Variants in MYO5C observed in about 807,000 individuals in gnomAD.
MYO5C encodes the protein unconventional myosin-Vc.
Under a neutral mutation model 235.7 loss-of-function variants are expected in MYO5C, and 194 were observed. That is an observed-to-expected ratio of 0.82 (90% CI 0.73 to 0.93). The LOEUF (loss-of-function observed/expected upper bound fraction) is 0.93, where lower values mean the gene tolerates loss of function less well. Ranked by LOEUF, MYO5C falls within the 40% of genes least tolerant of loss-of-function variation. MYO5C has a pLI of 0.00. For synonymous variants in MYO5C, 707 were observed against 754.8 expected (o/e 0.94, Z 1.04); for missense variants, 2,038 against 2,127.2 (o/e 0.96, Z 0.82).
At chr15:52,278,312 A>G (rs2037093531) in intron 4 of MYO5C, among the ~76,000 whole-genome samples, 1 of 152,102 alleles carries the variant, frequency 6.6e-6, no homozygotes. Flanking sequence ...CTGCCCAGAC[A>G]TTTGCATCGT....
intron 32 of MYO5C, 72 bp downstream of exon 32, chr15:52,218,447 G>A (rs2035602006): frequency 1.4e-6 from 2 of 1,407,036 alleles, no homozygotes; most frequent in Admixed American, 3.6e-5. Context: ...ATATGCTTTA[G>A]GTGGCATGTC....
intron 32 of MYO5C, among the ~76,000 whole-genome samples, chr15:52,216,887 T>G (rs956394155): frequency 9.2e-5 from 14 of 152,156 alleles, no homozygotes; most frequent in Admixed American, 2.0e-4. Flanking sequence ...GAAGGCCAGG[T>G]GCAGAGAGGC....
At chr15:52,275,926 C>T (rs1345424915) in intron 4 of MYO5C, among the ~76,000 whole-genome samples, 2 of 152,074 alleles carry the variant, frequency 1.3e-5, no homozygotes, top group Non-Finnish European at 1.5e-5. Flanking sequence ...TTCATCCAAC[C>T]TTATTCAAAT....
Position 52,195,377 on chromosome 15 carries a change from C to G in MYO5C, c.5076G>C (p.Gln1692His). The part of the protein sequence containing the change: ...RVTPSFVRKV[Q>H]ALLNSREDSS... ...AAAGGCACATCCTTAAGAATCTCACCTGTACTTTGCGAACAAAGGATGGAG... is the reference window on the plus strand; with the variant it reads ...AAAGGCACATCCTTAAGAATCTCACGTGTACTTTGCGAACAAAGGATGGAG... The change falls in exon 40 of 41, where the codon CAG becomes CAC. Residue 1692 changes from glutamine to histidine, a missense_variant and splice_region_variant. Coordinates refer to ENST00000261839, the MANE Select transcript of MYO5C (RefSeq NM_018728.4). The G allele has an allele frequency of 6.2e-7, 1 of 1,606,138 alleles. No homozygotes were observed. Among genetic ancestry groups the G allele is most frequent in the Non-Finnish European group, 8.5e-7 (1 of 1,173,548 alleles).
At chr15:52,276,193 A>C (rs1228385247) in intron 4 of MYO5C, among the ~76,000 whole-genome samples, 2 of 152,152 alleles carry the variant, frequency 1.3e-5, no homozygotes, top group Admixed American at 1.3e-4. Flanking sequence ...GACCAACCTC[A>C]GGTTCAATGA....
intron 23 of MYO5C, 103 bp from the exon 24 acceptor site, chr15:52,232,788 G>A: frequency 9.9e-7 from 1 of 1,010,094 alleles, no homozygotes; most frequent in Non-Finnish European, 1.6e-6. Context: ...ATCATGTGAT[G>A]TTTATTATTA....
intron 34 of MYO5C, among the ~76,000 whole-genome samples, chr15:52,212,404 A>G (rs1330776323): frequency 2.0e-5 from 3 of 152,182 alleles, no homozygotes; most frequent in African/African-American, 7.2e-5. Flanking sequence ...ATAAGCAAAC[A>G]AGGATGTCCC....
intron 1 of MYO5C, among the ~76,000 whole-genome samples, chr15:52,289,741 C>A (rs2037349374): frequency 6.6e-6 from 1 of 152,174 alleles, no homozygotes; most frequent in South Asian, 2.1e-4. Context: ...GTGGGTGGGG[C>A]CCGGCAAGAG....
intron 24 of MYO5C, among the ~76,000 whole-genome samples, chr15:52,231,706 C>A (rs1238673693): frequency 1.3e-5 from 2 of 152,166 alleles, no homozygotes; most frequent in African/African-American, 4.8e-5. Context: ...CCACCACAGG[C>A]AGCCCTGAGC....
intron 18 of MYO5C, among the ~76,000 whole-genome samples, chr15:52,244,894 G>A (rs530509431): frequency 3.9e-5 from 6 of 152,204 alleles, no homozygotes; most frequent in Non-Finnish European, 8.8e-5. Flanking sequence ...AGAAACTGGG[G>A]AAGTTTGGTT....
chr15:52,264,323 G>T, intron 8 of MYO5C, 27 bp from the exon 9 acceptor site: 1 of 1,540,554 alleles, frequency 6.5e-7, no homozygotes. Flanking sequence ...TCCCAGATTA[G>T]AATACTGCAT....
chr15:52,196,227 G>T, intron 39 of MYO5C, 82 bp downstream of exon 39: 1 of 1,401,294 alleles, frequency 7.1e-7, no homozygotes, highest in Non-Finnish European at 9.5e-7. Context: ...GGTGCCCACA[G>T]CTGGCTAAAC....
rs1197629387 is a variant in MYO5C, at chr15:52,242,198, T to A, written c.2406A>T (p.Ala802=). 2 of 1,612,738 alleles carry A rather than the reference T, an allele frequency of 1.2e-6. No homozygotes were observed. The highest frequency in any genetic ancestry group is 2.2e-5 in the East Asian group (1 of 44,888). The stretch of plus-strand genomic sequence containing the variant: ...CTGCCCAAGCTTCTTTTAAGGCCAC[T>A]GCAGTAATAGCTTTCCTTGGTTAAC... ...GQQTVRKAIT[A]VALKEAWAAI... The change falls in exon 20 of 41, where the codon GCA becomes GCT. Residue 802 remains alanine (A), a synonymous_variant. Transcript: ENST00000261839.
Position 52,282,179 on chromosome 15 carries a change from C to T in MYO5C, c.138+603G>A, listed in dbSNP as rs192054587. ...TCACCTCCCCCTCACCACACCAGCA[C>T]CAACAGAGGCACCTCATAATGTCAC... On this transcript the variant is annotated intron_variant, in intron 2 of 40. Coordinates refer to ENST00000261839, the MANE Select transcript of MYO5C (RefSeq NM_018728.4). Among the ~76,000 whole-genome samples, 183 of 152,326 alleles carry T rather than the reference C, an allele frequency of 1.2e-3. 1 individual carries two copies. The highest frequency in any genetic ancestry group is 2.0e-3 in the Non-Finnish European group (139 of 68,036).
In MYO5C at chr15:52,239,724, A is replaced by G. The variant is rs946664698; in HGVS notation, c.2703+9T>C. On this transcript the variant is annotated intron_variant, in intron 21 of 40. Coordinates refer to ENST00000261839, the MANE Select transcript of MYO5C (RefSeq NM_018728.4). ...AAGTAAATGTAAAAGATGCACTATGAGCACCTACCTGATCTTCCAACTTTT... is the reference window on the plus strand; with the variant it reads ...AAGTAAATGTAAAAGATGCACTATGGGCACCTACCTGATCTTCCAACTTTT... 1 of 1,586,726 alleles carries G rather than the reference A, an allele frequency of 6.3e-7. No individual in the cohort carries two copies. The highest frequency in any genetic ancestry group is 1.4e-5 in the African/African-American group (1 of 74,050).
At chr15:52,222,470 G>A (rs115277749) in intron 29 of MYO5C, among the ~76,000 whole-genome samples, 208 of 152,288 alleles carry the variant, frequency 1.4e-3, no homozygotes, top group African/African-American at 4.9e-3. Flanking sequence ...TGGGAGAGCG[G>A]GGCGTCCTGG....
At chr15:52,291,744 T>TTTGTTTTG (rs1566998094) in intron 1 of MYO5C, among the ~76,000 whole-genome samples, 8 of 96,730 alleles carry the variant, frequency 8.3e-5, no homozygotes, top group Admixed American at 4.2e-4. Context: ...TTTTTTTTTT[T>TTTGTTTTG]TTTTTTTTTT....
At chr15:52,278,432 C>T (rs2037095767) in intron 4 of MYO5C, among the ~76,000 whole-genome samples, 1 of 152,048 alleles carries the variant, frequency 6.6e-6, no homozygotes, top group African/African-American at 2.4e-5. Flanking sequence ...TCCACAGGGC[C>T]CTACAAACAC....
Position 52,244,366 on chromosome 15 carries a change from G to C in MYO5C, c.2380C>G (p.Gln794Glu). 6.2e-7 allele frequency: 1 copy of C among 1,612,786 alleles called. No homozygotes were observed. The highest frequency in any genetic ancestry group is 8.5e-7 in the Non-Finnish European group (1 of 1,179,630). Residue 794 changes from glutamine to glutamate, a missense_variant, in exon 19 of 41, where the codon CAA becomes GAA. By Grantham distance (29) the Gln-to-Glu change is conservative (BLOSUM62 2). Coordinates refer to ENST00000261839, the MANE Select transcript of MYO5C (RefSeq NM_018728.4). The part of the protein sequence containing the change: ...LIIQQYFRGQ[Q>E]TVRKAITAVA... ...TTGATTCCAACATACCTCACAGTTTGCTGACCCCGGAAGTACTGCTGGATT... is the reference window on the plus strand; with the variant it reads ...TTGATTCCAACATACCTCACAGTTTCCTGACCCCGGAAGTACTGCTGGATT...
Sources: allele counts gnomAD v4.1 joint callset (sites outside exome capture counted in the v4.1 genomes callset), GRCh38; gene constraint gnomAD v4.1.1; transcripts MANE v1.5; gene names NCBI Gene and HGNC (gene_info 2026-07-23, HGNC 2026-07-21).